The following LOXL2 variants were observed in gnomAD, a reference collection of about 807,000 sequenced individuals.
The protein encoded by LOXL2 is lysyl oxidase like 2.
In LOXL2, 70 loss-of-function variants were observed where a neutral mutation model predicts 93.0. The observed-to-expected ratio is 0.75, with a 90% CI of 0.62 to 0.92. The LOEUF (loss-of-function observed/expected upper bound fraction) is 0.92, where lower values mean the gene tolerates loss of function less well. Ranked by LOEUF, LOXL2 falls within the 40% of genes least tolerant of loss-of-function variation. LOXL2 has a pLI of 0.00. For synonymous variants in LOXL2, 438 were observed against 413.2 expected (o/e 1.06, Z -0.73); for missense variants, 973 against 1,054.9 (o/e 0.92, Z 1.08).
intron 1 of LOXL2, among the ~76,000 whole-genome samples, chr8:23,380,866 A>T (rs111264035): frequency 0.046 from 7,049 of 152,118 alleles, 520 homozygotes; most frequent in African/African-American, 0.16. Context: ...TACAAAAATT[A>T]TCTGGGCATG....
chr8:23,357,223 C>T (rs1440052225), intron 3 of LOXL2, among the ~76,000 whole-genome samples: 5 of 152,132 alleles, frequency 3.3e-5, no homozygotes, highest in Non-Finnish European at 5.9e-5. Context: ...GCACCCACCA[C>T]CATGCCTGGC....
In LOXL2 at chr8:23,401,524, A is replaced by G. The variant is rs143769799; in HGVS notation, c.-84+2430T>C. On this transcript the variant is annotated intron_variant, in intron 1 of 13. Coordinates refer to ENST00000389131, the MANE Select transcript of LOXL2 (RefSeq NM_002318.3). ...GCTTTAAACTACTTCAATGACAGAA[A>G]CAAAGGGACAGATGACGTACATGTG... Among the ~76,000 whole-genome samples, 320 of 152,366 alleles carry G rather than the reference A, an allele frequency of 2.1e-3. 1 individual carries two copies. The highest frequency in any genetic ancestry group is 7.5e-3 in the African/African-American group (313 of 41,586).
chr8:23,324,755 C>T (rs11775841), intron 6 of LOXL2, among the ~76,000 whole-genome samples: 21,148 of 152,166 alleles, frequency 0.14, 2,718 homozygotes, highest in African/African-American at 0.33. Flanking sequence ...AGCAGTGTTA[C>T]GGCTTCCATG....
intron 11 of LOXL2, 126 bp from the exon 12 acceptor site, chr8:23,302,289 C>T: frequency 1.8e-6 from 2 of 1,093,254 alleles, no homozygotes; most frequent in Non-Finnish European, 2.7e-6. Flanking sequence ...ACTGTGTGGG[C>T]TGCTCATCTG....
intron 3 of LOXL2, among the ~76,000 whole-genome samples, chr8:23,345,947 A>G (rs1358953837): frequency 6.6e-6 from 1 of 151,848 alleles, no homozygotes; most frequent in African/African-American, 2.4e-5. Context: ...GGGCGCCTGT[A>G]GTCCCAGCTA....
chr8:23,318,188 A>T (rs1046728566), intron 8 of LOXL2, among the ~76,000 whole-genome samples: 3 of 107,922 alleles, frequency 2.8e-5, no homozygotes, highest in Admixed American at 9.0e-5. Context: ...AAAAAAAAAA[A>T]CCCAAAAAAC....
chr8:23,400,539 A>G (rs1048071632), intron 1 of LOXL2, among the ~76,000 whole-genome samples: 6 of 152,218 alleles, frequency 3.9e-5, no homozygotes, highest in Non-Finnish European at 7.3e-5. Flanking sequence ...CAGCCAAGCC[A>G]TATCAGGTGT....
At chr8:23,332,920 G>A (rs1803728350) in intron 5 of LOXL2, among the ~76,000 whole-genome samples, 1 of 144,008 alleles carries the variant, frequency 6.9e-6, no homozygotes, top group African/African-American at 2.5e-5. Flanking sequence ...CCCCCACAGA[G>A]GGGGGGTGTT....
In LOXL2 at chr8:23,333,479, C is replaced by T. The variant is rs759206109; in HGVS notation, c.888G>A (p.Pro296=). The T allele has an allele frequency of 4.3e-5, 70 of 1,613,892 alleles. 1 individual carries two copies. In the South Asian group the frequency reaches 4.6e-4, roughly 11 times the overall value. ...GCCCAGGCACACAACTCACCACGGC[C>T]GGTAGCCCATTCTCGCAGGTGACAT... ...MKNVTCENGL[P]AVVSCVPGQV... The change falls in exon 5 of 14, where the codon CCG becomes CCA. Residue 296 remains proline (P), a synonymous_variant. Coordinates refer to ENST00000389131, the MANE Select transcript of LOXL2 (RefSeq NM_002318.3).
chr8:23,329,575 G>A (rs1361488159), intron 5 of LOXL2, among the ~76,000 whole-genome samples: 2 of 151,724 alleles, frequency 1.3e-5, no homozygotes, highest in Non-Finnish European at 2.9e-5. Context: ...CATGCATGCT[G>A]CATGTATGCG....
chr8:23,309,620 G>A (rs763610436), intron 10 of LOXL2, 48 bp downstream of exon 10: 62 of 1,372,584 alleles, frequency 4.5e-5, no homozygotes, highest in Non-Finnish European at 5.1e-5. Flanking sequence ...GAGGCCTGCA[G>A]GATGTCCGCC....
intron 9 of LOXL2, among the ~76,000 whole-genome samples, chr8:23,316,252 G>T (rs903764906): frequency 6.6e-6 from 1 of 152,202 alleles, no homozygotes; most frequent in Non-Finnish European, 1.5e-5. Context: ...GACCACAGAG[G>T]CTGACACGCT....
chr8:23,309,340 A>G (rs1014076932), intron 10 of LOXL2, among the ~76,000 whole-genome samples: 3 of 152,230 alleles, frequency 2.0e-5, no homozygotes, highest in African/African-American at 7.2e-5. Flanking sequence ...AGTACCTGGC[A>G]GCACACAAAC....
chr8:23,387,950 A>G (rs970669336), intron 1 of LOXL2, among the ~76,000 whole-genome samples: 1 of 152,230 alleles, frequency 6.6e-6, no homozygotes, highest in Admixed American at 6.5e-5. Flanking sequence ...ACTCTGTCTC[A>G]AACAAACAAA....
intron 10 of LOXL2, among the ~76,000 whole-genome samples, chr8:23,308,844 G>A (rs1803273646): frequency 6.6e-6 from 1 of 152,048 alleles, no homozygotes; most frequent in Non-Finnish European, 1.5e-5. Flanking sequence ...CAGCTGACCT[G>A]ACATCATGCA....
intron 10 of LOXL2, 95 bp downstream of exon 10, chr8:23,309,573 G>C: frequency 7.7e-7 from 1 of 1,294,792 alleles, no homozygotes; most frequent in Non-Finnish European, 1.0e-6. Flanking sequence ...GCAGCCTCTT[G>C]GCTCTAAGTG....
At position 23,404,114 on chromosome 8, in the gene LOXL2, G is replaced by C. The variant is rs774576156; in HGVS notation, c.-244C>G. ...ACCAAGCGTAGGTAGCCGCGCGCTG[G>C]AGTCGCGCGTTTACTCTTTTCCCCC... On this transcript the variant is annotated 5_prime_UTR_variant, in exon 1 of 14. Transcript: ENST00000389131. 1 of 193,040 alleles carries C rather than the reference G, an allele frequency of 5.2e-6. No homozygotes were observed. The highest frequency in any genetic ancestry group is 6.7e-5 in the South Asian group (1 of 15,036). 12.0% of individuals were successfully genotyped at this position (193,040 alleles called of 1,614,324 possible). A position where few individuals can be genotyped will look rare whatever the true frequency, so the allele number is the denominator to read the frequency against.
intron 1 of LOXL2, among the ~76,000 whole-genome samples, chr8:23,386,462 A>C (rs1385352931): frequency 6.6e-6 from 1 of 152,218 alleles, no homozygotes; most frequent in African/African-American, 2.4e-5. Context: ...ATAAACAAAT[A>C]TGTAAGTTCT....
intron 2 of LOXL2, 127 bp from the exon 3 acceptor site, chr8:23,360,392 A>G (rs1804270469): frequency 6.4e-6 from 4 of 628,206 alleles, no homozygotes; most frequent in Admixed American, 2.9e-5. Flanking sequence ...GTGGCCATCC[A>G]TTTTTATTAT....
Sources: allele counts gnomAD v4.1 joint callset (sites outside exome capture counted in the v4.1 genomes callset), GRCh38; gene constraint gnomAD v4.1.1; transcripts MANE v1.5; gene names NCBI Gene and HGNC (gene_info 2026-07-23, HGNC 2026-07-21).